OSBPL6: variants seen among roughly 807,000 people sequenced by gnomAD.
OSBPL6 encodes the protein oxysterol binding protein like 6.
In OSBPL6, 49 loss-of-function variants were observed where a neutral mutation model predicts 125.8. That is an observed-to-expected ratio of 0.39 (90% CI 0.31 to 0.49). The LOEUF (loss-of-function observed/expected upper bound fraction) is 0.49, where lower values mean the gene tolerates loss of function less well. OSBPL6 is among the 20% of genes least tolerant of loss of function. The probability of loss-of-function intolerance (pLI) is 0.88; values close to 1 mark genes in which losing one functional copy is unlikely to be tolerated. For synonymous variants in OSBPL6, 394 were observed against 391.8 expected (o/e 1.01, Z -0.07); for missense variants, 986 against 1,135.4 (o/e 0.87, Z 1.89).
intron 8 of OSBPL6, 73 bp downstream of exon 8, chr2:178,333,114 G>T (rs541628206): frequency 1.3e-6 from 2 of 1,527,802 alleles, no homozygotes; most frequent in African/African-American, 2.8e-5. Context: ...CAGGCACTGT[G>T]GCTCACGTGT....
rs1191659548 is a variant in OSBPL6, at chr2:178,396,278, T to A, written c.*719T>A. On this transcript the variant is annotated 3_prime_UTR_variant, in exon 25 of 25. Transcript: ENST00000190611. Reference sequence around the variant, plus strand: ...AAAGTGAACAACACGTGCTTTACTCTGATAAGTCAGTTACCATATGGTATG... The same window carrying A: ...AAAGTGAACAACACGTGCTTTACTCAGATAAGTCAGTTACCATATGGTATG... 1 of 156,152 alleles carries A rather than the reference T, an allele frequency of 6.4e-6. No homozygotes were observed. Among genetic ancestry groups the A allele is most frequent in the Non-Finnish European group, 1.4e-5 (1 of 70,184 alleles). 9.7% of individuals were successfully genotyped at this position (156,152 alleles called of 1,614,324 possible).
At chr2:178,278,520 C>A (rs2092516042) in intron 1 of OSBPL6, among the ~76,000 whole-genome samples, 1 of 152,132 alleles carries the variant, frequency 6.6e-6, no homozygotes, top group Non-Finnish European at 1.5e-5. Context: ...ATTTTAACTT[C>A]TTTGATATGT....
At chr2:178,275,505 C>A (rs1418486681) in intron 1 of OSBPL6, among the ~76,000 whole-genome samples, 2 of 151,668 alleles carry the variant, frequency 1.3e-5, no homozygotes, top group African/African-American at 4.8e-5. Context: ...GACTCTGTCT[C>A]AAAAATAATA....
intron 15 of OSBPL6, among the ~76,000 whole-genome samples, chr2:178,374,480 C>T (rs2154107288): frequency 6.6e-6 from 1 of 152,310 alleles, no homozygotes; most frequent in Admixed American, 6.5e-5. Context: ...TAGCACATAG[C>T]TAGTTGGGTA....
intron 1 of OSBPL6, among the ~76,000 whole-genome samples, chr2:178,254,399 A>AG (rs2091811213): frequency 6.6e-6 from 1 of 151,856 alleles, no homozygotes; most frequent in African/African-American, 2.4e-5. Flanking sequence ...TCTCAAAAAA[A>AG]AAAAAAAGAA....
At chr2:178,216,929 T>A (rs2090118367) in intron 1 of OSBPL6, among the ~76,000 whole-genome samples, 1 of 152,042 alleles carries the variant, frequency 6.6e-6, no homozygotes, top group African/African-American at 2.4e-5. Context: ...AAGAAGAGAT[T>A]GGATAACTAA....
intron 1 of OSBPL6, among the ~76,000 whole-genome samples, chr2:178,250,684 GCTCCTCCT>G (rs2091662052): frequency 6.6e-6 from 1 of 152,038 alleles, no homozygotes; most frequent in Non-Finnish European, 1.5e-5. Flanking sequence ...AACGACTTCT[GCTCCTCCT>G]CCTGGTCTCA....
At chr2:178,222,523 G>A (rs1424542011) in intron 1 of OSBPL6, among the ~76,000 whole-genome samples, 7 of 152,200 alleles carry the variant, frequency 4.6e-5, no homozygotes, top group African/African-American at 1.7e-4. Flanking sequence ...CATGCCTGTA[G>A]TCCCAGCTAC....
intron 15 of OSBPL6, among the ~76,000 whole-genome samples, chr2:178,379,356 GGAAGGAAGGAA>G (rs1281208708): frequency 7.3e-6 from 1 of 136,868 alleles, no homozygotes; most frequent in Admixed American, 7.5e-5. Context: ...GGGAGGGAGG[GGAAGGAAGGAA>G]AGGGAGGGAG....
intron 13 of OSBPL6, among the ~76,000 whole-genome samples, chr2:178,364,988 C>A (rs771648120): frequency 6.6e-6 from 1 of 152,060 alleles, no homozygotes; most frequent in Non-Finnish European, 1.5e-5. Context: ...ACCAGCCTGG[C>A]CAACAGGCGA....
intron 21 of OSBPL6, among the ~76,000 whole-genome samples, chr2:178,390,256 C>T (rs1695285451): frequency 1.3e-5 from 2 of 152,246 alleles, no homozygotes; most frequent in Non-Finnish European, 2.9e-5. Context: ...CCCTTCAGAA[C>T]TCTGTGCTGT....
intron 5 of OSBPL6, among the ~76,000 whole-genome samples, chr2:178,329,611 G>A (rs867383728): frequency 6.0e-4 from 91 of 151,998 alleles, no homozygotes; most frequent in African/African-American, 1.9e-3. Context: ...ATTTTTAGTA[G>A]AGATTGGGTT....
Position 178,324,218 on chromosome 2 carries a change from G to C in OSBPL6, c.144G>C (p.Glu48Asp). Residue 48 changes from glutamate (E) to aspartate (D), a missense_variant, in exon 4 of 25, where the codon GAG becomes GAC. By Grantham distance (45) the Glu-to-Asp change is conservative (BLOSUM62 2). Coordinates refer to ENST00000190611, the MANE Select transcript of OSBPL6 (RefSeq NM_032523.4). ...ILERTASSST[E>D]PSVSRQLLEP... Reference sequence around the variant, plus strand: ...AGAGGACTGCTTCCTCTAGCACCGAGCCCTCTGTAAGTCGGCAATTGCTAG... The same window carrying C: ...AGAGGACTGCTTCCTCTAGCACCGACCCCTCTGTAAGTCGGCAATTGCTAG... 1 of 1,583,808 alleles carries C rather than the reference G, an allele frequency of 6.3e-7. No individual in the cohort carries two copies. Among genetic ancestry groups the C allele is most frequent in the South Asian group, 1.1e-5 (1 of 87,416 alleles).
intron 18 of OSBPL6, among the ~76,000 whole-genome samples, 198 bp from the exon 19 acceptor site, chr2:178,385,244 GAAGGAAGGAAGAAAGA>G (rs1694839694): frequency 6.6e-6 from 1 of 152,196 alleles, no homozygotes; most frequent in East Asian, 1.9e-4. Flanking sequence ...TTAAAGAAAG[GAAGGAAGGAAGAAAGA>G]AAGGAAGGAA....
At position 178,397,524 on chromosome 2, in the gene OSBPL6, G is replaced by A. The variant is rs76167410; in HGVS notation, c.*1965G>A. 4 of 152,232 alleles carry A rather than the reference G, an allele frequency of 2.6e-5. No individual in the cohort carries two copies. The highest frequency in any genetic ancestry group is 6.5e-5 in the Admixed American group (1 of 15,294). 9.4% of individuals were successfully genotyped at this position (152,232 alleles called of 1,614,324 possible). On this transcript the variant is annotated 3_prime_UTR_variant, in exon 25 of 25. Coordinates refer to ENST00000190611, the MANE Select transcript of OSBPL6 (RefSeq NM_032523.4). ...ATAAGAATCCTATTGACTTCCTCAC[G>A]GGAGTCTGTTCTCCTATGGTTGATA...
chr2:178,367,335 C>T (rs1461443544), intron 13 of OSBPL6, among the ~76,000 whole-genome samples: 11 of 151,962 alleles, frequency 7.2e-5, no homozygotes, highest in Admixed American at 6.6e-4. Context: ...TAAGAGAGAC[C>T]CAGGATTTGG....
intron 9 of OSBPL6, 138 bp downstream of exon 9, chr2:178,336,571 C>G: frequency 3.0e-6 from 3 of 1,003,262 alleles, no homozygotes; most frequent in South Asian, 1.7e-5. Flanking sequence ...CTTTCTCCCC[C>G]TTGTTCTTAT....
intron 18 of OSBPL6, 33 bp downstream of exon 18, chr2:178,384,209 A>C (rs759453111): frequency 1.2e-6 from 2 of 1,605,266 alleles, no homozygotes; most frequent in African/African-American, 2.7e-5. Context: ...AGGTTTCTAT[A>C]TAGGTAAGAG....
intron 1 of OSBPL6, among the ~76,000 whole-genome samples, chr2:178,259,611 C>A (rs920529569): frequency 3.3e-5 from 5 of 152,078 alleles, no homozygotes; most frequent in Non-Finnish European, 5.9e-5. Flanking sequence ...GAACACAGAA[C>A]CCCCATCCCA....
Sources: gnomAD v4.1 joint callset for allele counts (sites outside exome capture counted in the v4.1 genomes callset) on GRCh38, gnomAD v4.1.1 for gene constraint, MANE v1.5 for transcripts, NCBI Gene and HGNC (gene_info 2026-07-23, HGNC 2026-07-21) for gene names.